PPARG: variants seen among roughly 807,000 people sequenced by gnomAD.
The protein encoded by PPARG is peroxisome proliferator-activated receptor gamma.
PPARG carries 17 observed loss-of-function variants against 39.2 expected under a neutral mutation model. The observed-to-expected ratio is 0.43, with a 90% CI of 0.30 to 0.65. The LOEUF (loss-of-function observed/expected upper bound fraction) is 0.65, where lower values mean the gene tolerates loss of function less well. Ranked by LOEUF, PPARG falls within the 30% of genes least tolerant of loss-of-function variation. The pLI, the probability that PPARG is intolerant of heterozygous loss-of-function variation, is 0.13. For missense variants in PPARG, 406 were observed against 585.9 expected, an observed-to-expected ratio of 0.69 and a Z score of 3.17; for synonymous variants, 223 against 215.7, an observed-to-expected ratio of 1.03 and a Z score of -0.30.
chr3:12,394,545 G>T (rs1285827394), intron 5 of PPARG, among the ~76,000 whole-genome samples: 2 of 152,242 alleles, frequency 1.3e-5, no homozygotes, highest in East Asian at 3.9e-4. Flanking sequence ...TCTAGAGAGG[G>T]TCAATCTTGA....
In PPARG at chr3:12,405,865, T is replaced by C. The variant is rs1362737093; in HGVS notation, c.530-17T>C. The C allele has an allele frequency of 1.9e-6, 3 of 1,609,242 alleles. No homozygotes were observed. Among genetic ancestry groups the C allele is most frequent in the Non-Finnish European group, 2.6e-6 (3 of 1,175,828 alleles). ...AGTAATCCAATGATTCATCCTGTCA[T>C]TCCTCTTCCTCTATAGCCATCAGGT... On this transcript the variant is annotated splice_polypyrimidine_tract_variant and intron_variant, in intron 5 of 7. Transcript: ENST00000651735.
At chr3:12,301,232 C>T (rs952868008) in intron 1 of PPARG, among the ~76,000 whole-genome samples, 1 of 152,206 alleles carries the variant, frequency 6.6e-6, no homozygotes, top group Non-Finnish European at 1.5e-5. Flanking sequence ...CATTGTTTTG[C>T]ATTCTTGTTT....
chr3:12,306,514 C>T (rs1254674106), intron 1 of PPARG, among the ~76,000 whole-genome samples: 4 of 152,190 alleles, frequency 2.6e-5, no homozygotes, highest in Non-Finnish European at 5.9e-5. Context: ...GCCACCCTGT[C>T]ATGCACAGGA....
Position 12,321,453 on chromosome 3 carries a change from G to A in PPARG, c.-9+9000G>A, listed in dbSNP as rs575497972. On this transcript the variant is annotated intron_variant, in intron 2 of 7. Transcript: ENST00000651735. Reference sequence around the variant, plus strand: ...GTGCCAAATGCTACAGGGTGGAGGCGGAGGGAGACAGAAAATCTTTCTGTA... The same window carrying A: ...GTGCCAAATGCTACAGGGTGGAGGCAGAGGGAGACAGAAAATCTTTCTGTA... Among the ~76,000 whole-genome samples the A allele has an allele frequency of 5.9e-5, 9 of 152,280 alleles. No homozygotes were observed. In the East Asian group the frequency reaches 1.3e-3, roughly 23 times the overall value.
chr3:12,388,669 A>G (rs2049965459), intron 4 of PPARG, among the ~76,000 whole-genome samples: 1 of 152,194 alleles, frequency 6.6e-6, no homozygotes, highest in Non-Finnish European at 1.5e-5. Context: ...GACATTCATC[A>G]TCAACAAGAA....
chr3:12,405,412 C>A (rs1299883845), intron 5 of PPARG, among the ~76,000 whole-genome samples: 1 of 152,182 alleles, frequency 6.6e-6, no homozygotes, highest in African/African-American at 2.4e-5. Context: ...CTTATAAACT[C>A]CCTGAGAACA....
At chr3:12,334,846 A>G (rs1458825723) in intron 2 of PPARG, among the ~76,000 whole-genome samples, 1 of 152,170 alleles carries the variant, frequency 6.6e-6, no homozygotes, top group Non-Finnish European at 1.5e-5. Flanking sequence ...ATCTAGGTCA[A>G]TACATTTTAA....
chr3:12,402,776 C>G (rs9836965), intron 5 of PPARG, among the ~76,000 whole-genome samples: 1,713 of 152,238 alleles, frequency 0.011, 33 homozygotes, highest in African/African-American at 0.039. Flanking sequence ...CCGCACTCCT[C>G]AATTAGGAAC....
At chr3:12,300,787 G>A (rs1463657075) in intron 1 of PPARG, among the ~76,000 whole-genome samples, 2 of 152,092 alleles carry the variant, frequency 1.3e-5, no homozygotes, top group Admixed American at 1.3e-4. Context: ...CATGTACCAA[G>A]CAAAATTGTT....
intron 2 of PPARG, among the ~76,000 whole-genome samples, chr3:12,344,250 G>C (rs907252440): frequency 2.6e-5 from 4 of 152,062 alleles, no homozygotes; most frequent in African/African-American, 9.7e-5. Context: ...CAATAAATGT[G>C]GAATCTGAAT....
chr3:12,324,626 T>C (rs2047641212), intron 2 of PPARG, among the ~76,000 whole-genome samples: 1 of 152,152 alleles, frequency 6.6e-6, no homozygotes, highest in Non-Finnish European at 1.5e-5. Flanking sequence ...ATACTGTGCT[T>C]AACTTTCTAA....
rs368043369 is a variant in PPARG at position 12,310,362 on chromosome 3, A to T, written c.-82-2018A>T. ...TATCAAGGAAAGCTGGTACAACTTA[A>T]TCTTAACCTGGAATCAACTCCTTTA... On this transcript the variant is annotated intron_variant, in intron 1 of 7. Coordinates refer to ENST00000651735, the MANE Select transcript of PPARG (RefSeq NM_138711.6). Among the ~76,000 whole-genome samples, 4 of 152,204 alleles carry T rather than the reference A, an allele frequency of 2.6e-5. No individual in the cohort carries two copies. In the East Asian group the frequency reaches 7.7e-4, roughly 29 times the overall value.
intron 2 of PPARG, among the ~76,000 whole-genome samples, chr3:12,338,627 C>T (rs1486328160): frequency 1.3e-5 from 2 of 152,152 alleles, no homozygotes; most frequent in African/African-American, 4.8e-5. Context: ...ATGGAAATTA[C>T]TGCTATAGCA....
intron 2 of PPARG, among the ~76,000 whole-genome samples, chr3:12,339,669 T>TTGGGCAAGGCC (rs1353159323): frequency 3.3e-5 from 5 of 152,324 alleles, no homozygotes; most frequent in Admixed American, 3.3e-4. Flanking sequence ...CTGACTGTAC[T>TTGGGCAAGGCC]TGGGCAAGGC....
At chr3:12,416,283 G>A (rs2125282658) in intron 6 of PPARG, among the ~76,000 whole-genome samples, 1 of 152,326 alleles carries the variant, frequency 6.6e-6, no homozygotes, top group Non-Finnish European at 1.5e-5. Context: ...GGAGGCTGAG[G>A]CACAAGAATT....
intron 2 of PPARG, among the ~76,000 whole-genome samples, chr3:12,347,261 G>T (rs1401241801): frequency 1.3e-5 from 2 of 151,752 alleles, no homozygotes; most frequent in African/African-American, 4.8e-5. Context: ...GAGGCAGGGG[G>T]GTCACTTGAG....
chr3:12,402,581 A>G (rs1002872377), intron 5 of PPARG, among the ~76,000 whole-genome samples: 1 of 152,240 alleles, frequency 6.6e-6, no homozygotes, highest in Non-Finnish European at 1.5e-5. Flanking sequence ...AGTTTAATAC[A>G]TGAGCTAATG....
intron 6 of PPARG, among the ~76,000 whole-genome samples, chr3:12,408,217 A>G (rs2050740793): frequency 6.6e-6 from 1 of 152,194 alleles, no homozygotes; most frequent in Non-Finnish European, 1.5e-5. Context: ...GTTTTTTCTC[A>G]ATTTTTAGAA....
At chr3:12,382,937 C>T (rs142009186) in intron 4 of PPARG, among the ~76,000 whole-genome samples, 55 of 152,256 alleles carry the variant, frequency 3.6e-4, no homozygotes, top group Middle Eastern at 6.8e-3. Context: ...TACCACTGCA[C>T]TCCAGCCTGG....
Sources: allele counts gnomAD v4.1 joint callset (sites outside exome capture counted in the v4.1 genomes callset), GRCh38; gene constraint gnomAD v4.1.1; transcripts MANE v1.5; gene names NCBI Gene and HGNC (gene_info 2026-07-23, HGNC 2026-07-21).